Variants in ATAT1 observed in about 807,000 individuals in gnomAD.
ATAT1 encodes alpha-tubulin N-acetyltransferase 1.
ATAT1 carries 42 observed loss-of-function variants against 57.2 expected under a neutral mutation model. The observed-to-expected ratio is 0.73, with a 90% CI of 0.57 to 0.95. The LOEUF (loss-of-function observed/expected upper bound fraction) is 0.95. Among genes scored for constraint, ATAT1 ranks in the 40% least tolerant of loss-of-function variants. The pLI is 0.00. For missense variants in ATAT1, 454 were observed against 523.7 expected (o/e 0.87, Z 1.30); for synonymous variants, 168 against 187.1 (o/e 0.90, Z 0.83).
intron 6 of ATAT1, among the ~76,000 whole-genome samples, chr6:30,631,683 G>A (rs1762911078): frequency 6.6e-6 from 1 of 151,994 alleles, no homozygotes; most frequent in Admixed American, 6.6e-5. Flanking sequence ...GGGGTCTGAG[G>A]CAGGAGGATT....
chr6:30,637,162 T>C (rs963834881), intron 6 of ATAT1, among the ~76,000 whole-genome samples: 1 of 152,160 alleles, frequency 6.6e-6, no homozygotes, highest in African/African-American at 2.4e-5. Context: ...CAGAGCAGTA[T>C]AGAGTGTAAA....
At chr6:30,646,298 G>C in intron 12 of ATAT1, 171 bp from the exon 13 acceptor site, 1 of 1,448,398 alleles carries the variant, frequency 6.9e-7, no homozygotes, top group Non-Finnish European at 9.1e-7. Context: ...ACTTCCCTTT[G>C]GAATACGGAT....
chr6:30,642,744 G>C, intron 9 of ATAT1, 24 bp from the exon 10 acceptor site: 1 of 1,450,804 alleles, frequency 6.9e-7, no homozygotes, highest in South Asian at 1.1e-5. Context: ...TTTCTGTCTT[G>C]CTCTTCATTC....
At chr6:30,643,425 T>C (rs1765962741) in intron 10 of ATAT1, 3 of 1,520,050 alleles carry the variant, frequency 2.0e-6, no homozygotes, top group Middle Eastern at 1.7e-4. Context: ...GCATTTCCTT[T>C]ATTTCTCTCC....
chr6:30,646,537 C>A lies in ATAT1; in HGVS notation c.1124C>A (p.Pro375Gln). ...GAGAAGCCCATGCACACAGCTCCTC[C>A]ACAGGCCCCGGCCCCGCCAGCCCAG... Residue 375 changes from proline (P) to glutamine (Q), a missense_variant, in exon 13 of 13, where the codon CCA becomes CAA. Transcript: ENST00000330083. The A allele has an allele frequency of 6.3e-7, 1 of 1,590,654 alleles. No homozygotes were observed. Among genetic ancestry groups the A allele is most frequent in the East Asian group, 2.3e-5 (1 of 43,764 alleles).
At chr6:30,643,315 A>C (rs1374159477) in intron 10 of ATAT1, 4 of 1,420,568 alleles carry the variant, frequency 2.8e-6, no homozygotes, top group Non-Finnish European at 3.7e-6. Context: ...GATTGGGAAA[A>C]TCTTCGCTTA....
rs1262818896 is a variant in ATAT1 at position 30,641,106 on chromosome 6, T to TACACACACACACACACACACACAC, written c.616+504_616+505insCACACACACACACACACACACACA. ...AATGCTGTCCAGATTCCCCATCCCA[T>TACACACACACACACACACACACAC]ATACACACATACACACACACACACA... On this transcript the variant is annotated intron_variant, in intron 8 of 12. Transcript: ENST00000330083. 2.6e-4 allele frequency among the ~76,000 whole-genome samples: 36 copies of TACACACACACACACACACACACAC among 140,932 alleles called. No homozygotes were observed. In the East Asian group the frequency reaches 5.4e-3, roughly 21 times the overall value. 92.5% of individuals were successfully genotyped at this position (140,932 alleles called of 152,430 possible). A position where few individuals can be genotyped will look rare whatever the true frequency, so the allele number is the denominator to read the frequency against.
intron 12 of ATAT1, 112 bp from the exon 13 acceptor site, chr6:30,646,357 A>C (rs1340858828): frequency 1.4e-6 from 2 of 1,448,682 alleles, no homozygotes; most frequent in African/African-American, 1.4e-5. Flanking sequence ...TTCCAGCTTC[A>C]TACCCATCAT....
intron 6 of ATAT1, among the ~76,000 whole-genome samples, chr6:30,639,862 G>A (rs1252173343): frequency 6.6e-6 from 1 of 152,002 alleles, no homozygotes; most frequent in African/African-American, 2.4e-5. Context: ...GGCTGAGCAT[G>A]GTGGCTCACG....
intron 8 of ATAT1, 72 bp downstream of exon 8, chr6:30,640,675 G>A (rs1030603190): frequency 2.6e-6 from 4 of 1,559,574 alleles, no homozygotes. Context: ...ACGGGGTACA[G>A]TGCCATCTGT....
At chr6:30,644,671 A>G (rs140354978) in intron 10 of ATAT1, 1 of 975,054 alleles carries the variant, frequency 1.0e-6, no homozygotes. Flanking sequence ...AAGAATCACA[A>G]AAAAAAAAGT....
At chr6:30,632,583 A>G (rs1183681267) in intron 6 of ATAT1, among the ~76,000 whole-genome samples, 1 of 151,978 alleles carries the variant, frequency 6.6e-6, no homozygotes, top group Non-Finnish European at 1.5e-5. Flanking sequence ...GAAAAAAGAA[A>G]AAGATCATTT....
At chr6:30,643,937 AC>A (rs1336125508) in intron 10 of ATAT1, 1 of 1,099,724 alleles carries the variant, frequency 9.1e-7, no homozygotes, top group African/African-American at 1.6e-5. Context: ...TGCCAGGGAA[AC>A]TTTTTAAGGA....
In ATAT1 at chr6:30,642,831, C is replaced by CCGGT; in HGVS notation, c.752_753insCGGT (p.Ala252GlyfsTer49). 6.3e-7 allele frequency: 1 copy of CCGGT among 1,583,214 alleles called. No individual in the cohort carries two copies. The highest frequency in any genetic ancestry group is 8.6e-7 in the Non-Finnish European group (1 of 1,162,440). ...AGGGCCCCTCGCCGCGCCACACCTCCAGCCCACCCACCCCCCCGCTCCAGC... is the reference window on the plus strand; with the variant it reads ...AGGGCCCCTCGCCGCGCCACACCTCCCGGTAGCCCACCCACCCCCCCGCTCCAGC... On this transcript the variant is annotated frameshift_variant, in exon 10 of 13. Coordinates refer to ENST00000330083, the MANE Select transcript of ATAT1 (RefSeq NM_001031722.4). LOFTEE classifies it high-confidence loss of function.
At chr6:30,634,691 T>TAA (rs1318815753) in intron 6 of ATAT1, among the ~76,000 whole-genome samples, 3 of 128,152 alleles carry the variant, frequency 2.3e-5, no homozygotes, top group African/African-American at 2.9e-5. Flanking sequence ...AAACCTTGTT[T>TAA]AAAAAAAAAA....
intron 6 of ATAT1, among the ~76,000 whole-genome samples, chr6:30,636,269 G>A (rs1764049349): frequency 6.6e-6 from 1 of 152,144 alleles, no homozygotes. Context: ...GAACAGGCAT[G>A]AGCAAAGGCA....
rs1766792222 is a variant in ATAT1, at chr6:30,646,649, GC to G, written c.*10del. 5 of 1,549,130 alleles carry G rather than the reference GC, an allele frequency of 3.2e-6. No individual in the cohort carries two copies. Among genetic ancestry groups the G allele is most frequent in the Non-Finnish European group, 4.4e-6 (5 of 1,145,568 alleles). On this transcript the variant is annotated 3_prime_UTR_variant, in exon 13 of 13. Coordinates refer to ENST00000330083, the MANE Select transcript of ATAT1 (RefSeq NM_001031722.4). ...GCAGCACCAGGCCTTGGTGACCGCA[GC>G]CCCGTCAAACATCTTCAAAGTATTA...
Position 30,642,161 on chromosome 6 carries a change from C to G in ATAT1, c.617-15C>G. On this transcript the variant is annotated splice_polypyrimidine_tract_variant and intron_variant, in intron 8 of 12. Transcript: ENST00000330083. ...CTCCTAACGCTTACCCTGCCTATGT[C>G]CCCTCCACTGCCAGCTCCAGCAAGG... 1.2e-6 allele frequency: 2 copies of G among 1,614,020 alleles called. No individual in the cohort carries two copies. The highest frequency in any genetic ancestry group is 1.7e-6 in the Non-Finnish European group (2 of 1,179,994).
At chr6:30,638,575 GTTT>G (rs1236891609) in intron 6 of ATAT1, among the ~76,000 whole-genome samples, 1 of 140,342 alleles carries the variant, frequency 7.1e-6, no homozygotes, top group Non-Finnish European at 1.6e-5. Flanking sequence ...TGGCCCCCGA[GTTT>G]TTTTTTTTTT....
Sources: allele counts gnomAD v4.1 joint callset (sites outside exome capture counted in the v4.1 genomes callset), GRCh38; gene constraint gnomAD v4.1.1; transcripts MANE v1.5; gene names NCBI Gene and HGNC (gene_info 2026-07-23, HGNC 2026-07-21).